The following TMEM182 variants were observed in gnomAD, a reference collection of about 807,000 sequenced individuals.
TMEM182 encodes transmembrane protein 182.
TMEM182 carries 20 observed loss-of-function variants against 26.8 expected under a neutral mutation model. That is an observed-to-expected ratio of 0.75 (90% confidence interval 0.53 to 1.09). TMEM182 has a LOEUF of 1.09. Among genes scored for constraint, TMEM182 ranks in the 50% least tolerant of loss-of-function variants. The pLI is 0.00. For missense variants in TMEM182, 277 were observed against 275.5 expected, an observed-to-expected ratio of 1.01 and a Z score of -0.04; for synonymous variants, 109 against 102.2, an observed-to-expected ratio of 1.07 and a Z score of -0.40.
rs1682704781 is a variant in TMEM182 at position 102,815,322 on chromosome 2, G to A, written c.*354G>A. 4.0e-6 allele frequency: 4 copies of A among 1,006,340 alleles called. No homozygotes were observed. Among genetic ancestry groups the A allele is most frequent in the East Asian group, 1.0e-4 (1 of 9,662 alleles). The allele number at this position is 1,006,340 out of a possible 1,614,324, so 62.3% of individuals were successfully genotyped here. On this transcript the variant is annotated 3_prime_UTR_variant, in exon 5 of 5. Transcript: ENST00000412401. The stretch of plus-strand genomic sequence containing the variant: ...ATAGATTTGGCTTAAAGTCTCCTTG[G>A]CATTCACTTCTGCTAATTAAAAAAA...
At chr2:102,786,223 T>G (rs1558771137) in intron 3 of TMEM182, among the ~76,000 whole-genome samples, 3 of 147,462 alleles carry the variant, frequency 2.0e-5, no homozygotes, top group African/African-American at 7.5e-5. Flanking sequence ...TTTTTTTTTT[T>G]TTTTTTTTTG....
intron 3 of TMEM182, among the ~76,000 whole-genome samples, chr2:102,842,376 G>A (rs960461167): frequency 2.0e-5 from 3 of 152,086 alleles, no homozygotes; most frequent in African/African-American, 7.2e-5. Context: ...TGAACTTGCA[G>A]TGCCGTTTCC....
chr2:102,826,754 C>A (rs1042159809), intron 3 of TMEM182, among the ~76,000 whole-genome samples: 1 of 152,088 alleles, frequency 6.6e-6, no homozygotes, highest in Non-Finnish European at 1.5e-5. Context: ...TTCTGCATGT[C>A]TAAGATTGCC....
chr2:102,783,576 T>TAA (rs1393883552), intron 3 of TMEM182, among the ~76,000 whole-genome samples: 1 of 152,178 alleles, frequency 6.6e-6, no homozygotes, highest in Admixed American at 6.5e-5. Flanking sequence ...GCCAAGTCTG[T>TAA]AAAAGATGCC....
chr2:102,836,471 A>C (rs1683248934), intron 3 of TMEM182, among the ~76,000 whole-genome samples: 2 of 152,180 alleles, frequency 1.3e-5, no homozygotes, highest in Non-Finnish European at 2.9e-5. Context: ...AAGTGTTTTA[A>C]GTGCCAGATA....
rs892015845 is a variant in TMEM182, at chr2:102,746,829, C to T, written c.-83+9816C>T. Among the ~76,000 whole-genome samples, 7 of 152,124 alleles carry T rather than the reference C, an allele frequency of 4.6e-5. No homozygotes were observed. The East Asian group carries it at 5.8e-4, about 13-fold the overall frequency. On this transcript the variant is annotated intron_variant, in intron 1 of 5. Coordinates refer to the TMEM182 transcript ENST00000409173. ...GTCTCGAACTCCTGAACTTATGATT[C>T]GCCCGTCTCGGCCTCCCAAAGTGCT...
At chr2:102,776,730 C>T (rs768603491) in intron 3 of TMEM182, among the ~76,000 whole-genome samples, 10 of 152,084 alleles carry the variant, frequency 6.6e-5, no homozygotes, top group Non-Finnish European at 1.0e-4. Flanking sequence ...AGCTGCGAAG[C>T]GGTCTTCCAA....
chr2:102,738,465 C>T (rs199872919), intron 1 of TMEM182, among the ~76,000 whole-genome samples: 9 of 152,070 alleles, frequency 5.9e-5, no homozygotes, highest in Middle Eastern at 3.4e-3. Context: ...CGTGGTGGTG[C>T]GCGCCTGTAG....
At chr2:102,794,227 G>A (rs1230413843) in intron 3 of TMEM182, among the ~76,000 whole-genome samples, 1 of 152,128 alleles carries the variant, frequency 6.6e-6, no homozygotes, top group Non-Finnish European at 1.5e-5. Context: ...TCAGTAACTG[G>A]TCCAAAGTTA....
At chr2:102,797,436 AG>A (rs1309346905) in intron 3 of TMEM182, among the ~76,000 whole-genome samples, 3 of 152,306 alleles carry the variant, frequency 2.0e-5, no homozygotes, top group Non-Finnish European at 4.4e-5. Context: ...AGAAGATGTG[AG>A]GTAGTGTTTG....
intron 3 of TMEM182, among the ~76,000 whole-genome samples, chr2:102,839,705 T>C (rs1185541596): frequency 1.3e-5 from 2 of 152,120 alleles, no homozygotes; most frequent in African/African-American, 4.8e-5. Flanking sequence ...GTAGCTCTAG[T>C]TGCTAGCCAC....
chr2:102,736,981 G>T, exon 1 of TMEM182: 1 of 683,434 alleles, frequency 1.5e-6, no homozygotes, highest in Non-Finnish European at 2.4e-6. Context: ...TCTGGTCTCA[G>T]GCAAGGTGGG....
At chr2:102,748,935 T>C (rs2104636668) in intron 1 of TMEM182, among the ~76,000 whole-genome samples, 1 of 152,282 alleles carries the variant, frequency 6.6e-6, no homozygotes. Context: ...TTTCAAGACG[T>C]CTGCAAGTTC....
At chr2:102,770,684 C>T (rs576987809) in intron 3 of TMEM182, among the ~76,000 whole-genome samples, 1 of 152,230 alleles carries the variant, frequency 6.6e-6, no homozygotes, top group South Asian at 2.1e-4. Flanking sequence ...CACACGGATG[C>T]TTGGGGAGTG....
chr2:102,776,701 G>A (rs1042985019), intron 3 of TMEM182, among the ~76,000 whole-genome samples: 1 of 152,138 alleles, frequency 6.6e-6, no homozygotes, highest in African/African-American at 2.4e-5. Flanking sequence ...GGATCGTATG[G>A]TGAGAGCATG....
chr2:102,841,538 G>A (rs1056392554), intron 3 of TMEM182, among the ~76,000 whole-genome samples: 3 of 152,208 alleles, frequency 2.0e-5, no homozygotes, highest in Admixed American at 1.3e-4. Flanking sequence ...GACAGGCTCC[G>A]CAGCAATGAC....
chr2:102,764,321 C>T lies in TMEM182; in HGVS notation c.233-8C>T. On this transcript the variant is annotated splice_polypyrimidine_tract_variant and splice_region_variant and intron_variant, in intron 2 of 4. Coordinates refer to ENST00000412401, the MANE Select transcript of TMEM182 (RefSeq NM_144632.5). ...TAACAAGTGCCATTGTTTTGCTGTT[C>T]TTCCTAGCCAATCAGCCACCGTCCA... 1.2e-6 allele frequency: 2 copies of T among 1,613,432 alleles called. No individual in the cohort carries two copies. The highest frequency in any genetic ancestry group is 8.5e-7 in the Non-Finnish European group (1 of 1,179,576).
At chr2:102,834,934 T>C (rs750174605) in intron 3 of TMEM182, among the ~76,000 whole-genome samples, 5 of 152,168 alleles carry the variant, frequency 3.3e-5, no homozygotes, top group Non-Finnish European at 7.3e-5. Flanking sequence ...TCACCTGAGG[T>C]GTTATTTATG....
chr2:102,821,128 C>T (rs777799937), downstream of TMEM182, among the ~76,000 whole-genome samples: 12 of 152,328 alleles, frequency 7.9e-5, no homozygotes, highest in East Asian at 1.2e-3. Flanking sequence ...CATTCTGTGC[C>T]TCAGACATGC....
Sources: allele counts gnomAD v4.1 joint callset (sites outside exome capture counted in the v4.1 genomes callset), GRCh38; gene constraint gnomAD v4.1.1; transcripts MANE v1.5; gene names NCBI Gene and HGNC (gene_info 2026-07-23, HGNC 2026-07-21).